The following TRAM1 variants were observed in gnomAD, a reference collection of about 807,000 sequenced individuals.
TRAM1 encodes translocation associated membrane protein 1, also known as translocating chain-associated membrane protein 1.
In TRAM1, 17 loss-of-function variants were observed where a neutral mutation model predicts 48.7. The observed-to-expected ratio is 0.35, with a 90% confidence interval of 0.24 to 0.52. TRAM1 has a LOEUF of 0.52. Among genes scored for constraint, TRAM1 ranks in the 20% least tolerant of loss-of-function variants. The probability of loss-of-function intolerance (pLI) is 0.94; values close to 1 mark genes in which losing one functional copy is unlikely to be tolerated. For synonymous variants in TRAM1, 182 were observed against 154.0 expected (o/e 1.18, Z -1.34); for missense variants, 351 against 441.5 (o/e 0.79, Z 1.84).
At chr8:70,586,859 C>A (rs999318316) in intron 8 of TRAM1, 36 bp downstream of exon 8, 1 of 1,552,894 alleles carries the variant, frequency 6.4e-7, no homozygotes, top group Non-Finnish European at 8.9e-7. Context: ...CTTTAAATAC[C>A]TAGTACACGA....
At chr8:70,590,333 C>A (rs143837987) in intron 6 of TRAM1, among the ~76,000 whole-genome samples, 6 of 152,180 alleles carry the variant, frequency 3.9e-5, no homozygotes, top group African/African-American at 1.4e-4. Flanking sequence ...AAATTACAAA[C>A]AAACTATAAT....
chr8:70,602,011 CAG>C (rs1817616123), intron 1 of TRAM1, among the ~76,000 whole-genome samples: 2 of 151,810 alleles, frequency 1.3e-5, no homozygotes, highest in African/African-American at 4.8e-5. Flanking sequence ...ATGGAGAGAA[CAG>C]GGAAAAAAGC....
chr8:70,604,954 A>G (rs572024196), intron 1 of TRAM1, among the ~76,000 whole-genome samples: 3 of 152,292 alleles, frequency 2.0e-5, no homozygotes, highest in African/African-American at 4.8e-5. Context: ...GTATACTATG[A>G]TTTGAATTAT....
At chr8:70,590,293 C>T (rs1045278742) in intron 6 of TRAM1, among the ~76,000 whole-genome samples, 2 of 151,712 alleles carry the variant, frequency 1.3e-5, no homozygotes, top group African/African-American at 4.8e-5. Context: ...CTACTCTTTT[C>T]TTCTCTGACA....
At chr8:70,589,142 A>AT (rs1172818729) in intron 6 of TRAM1, among the ~76,000 whole-genome samples, 1 of 152,236 alleles carries the variant, frequency 6.6e-6, no homozygotes, top group African/African-American at 2.4e-5. Context: ...TAGGTAGAAC[A>AT]TAAGACAGTC....
chr8:70,608,278 T>A lies in TRAM1; in HGVS notation c.-79A>T, dbSNP rs976962953. 41 of 1,464,446 alleles carry A rather than the reference T, an allele frequency of 2.8e-5. No homozygotes were observed. The highest frequency in any genetic ancestry group is 1.0e-4 in the African/African-American group (7 of 67,914). 90.7% of individuals were successfully genotyped at this position (1,464,446 alleles called of 1,614,324 possible). A position where few individuals can be genotyped will look rare whatever the true frequency, so the allele number is the denominator to read the frequency against. On this transcript the variant is annotated 5_prime_UTR_variant, in exon 1 of 11. Transcript: ENST00000262213. ...AGCTGCTCACCGACTCGCCGCCGCC[T>A]CCCGCTGGCTGCTCCTCACGGCCCC...
chr8:70,598,309 C>T (rs1817534752), intron 2 of TRAM1, 54 bp from the exon 3 acceptor site: 1 of 1,532,176 alleles, frequency 6.5e-7, no homozygotes, highest in South Asian at 1.3e-5. Context: ...GTTATAAAAA[C>T]AGCATTAAGT....
intron 6 of TRAM1, among the ~76,000 whole-genome samples, chr8:70,589,426 G>C (rs1349890347): frequency 6.6e-6 from 1 of 152,190 alleles, no homozygotes; most frequent in Non-Finnish European, 1.5e-5. Context: ...GCAATTTGAT[G>C]TACAATGCAT....
chr8:70,591,009 A>AT (rs1198924400), intron 6 of TRAM1, among the ~76,000 whole-genome samples: 4 of 148,674 alleles, frequency 2.7e-5, no homozygotes, highest in South Asian at 2.1e-4. Context: ...AATAATAATA[A>AT]AAAAAAAAAA....
chr8:70,606,558 A>G (rs1270563185), intron 1 of TRAM1, among the ~76,000 whole-genome samples: 1 of 152,192 alleles, frequency 6.6e-6, no homozygotes, highest in Non-Finnish European at 1.5e-5. Flanking sequence ...GGCTGTGAGG[A>G]GAACAGTACA....
chr8:70,597,670 A>AAG, intron 4 of TRAM1, among the ~76,000 whole-genome samples: 1 of 146,510 alleles, frequency 6.8e-6, no homozygotes, highest in Non-Finnish European at 1.5e-5. Context: ...CTCTGTCTCA[A>AAG]AAAAAAAAAA....
chr8:70,591,909 T>A (rs1373118332), intron 6 of TRAM1, among the ~76,000 whole-genome samples: 2 of 151,876 alleles, frequency 1.3e-5, no homozygotes, highest in African/African-American at 4.8e-5. Flanking sequence ...GTGGAAAAAA[T>A]GTCATCAGAT....
intron 1 of TRAM1, chr8:70,607,560 C>G (rs1351003418): frequency 1.1e-6 from 1 of 909,238 alleles, no homozygotes; most frequent in Non-Finnish European, 1.3e-6. Flanking sequence ...TCCCCTGTCA[C>G]TCGGGGCCTG....
At chr8:70,584,222 A>G (rs954786913) in intron 8 of TRAM1, among the ~76,000 whole-genome samples, 1 of 152,222 alleles carries the variant, frequency 6.6e-6, no homozygotes, top group African/African-American at 2.4e-5. Flanking sequence ...TGTTTAGCTT[A>G]TCTCTTTTCT....
chr8:70,589,740 A>C (rs1459892193), intron 6 of TRAM1, among the ~76,000 whole-genome samples: 1 of 152,132 alleles, frequency 6.6e-6, no homozygotes, highest in Non-Finnish European at 1.5e-5. Flanking sequence ...TGGGAGGCTG[A>C]AGTAGTAGGA....
At chr8:70,578,053 G>C (rs1361285502) in intron 10 of TRAM1, among the ~76,000 whole-genome samples, 1 of 152,200 alleles carries the variant, frequency 6.6e-6, no homozygotes, top group Non-Finnish European at 1.5e-5. Context: ...CTTGACAGGT[G>C]TAGGATCTGG....
intron 5 of TRAM1, among the ~76,000 whole-genome samples, chr8:70,595,321 G>C (rs1045978791): frequency 6.8e-6 from 1 of 146,660 alleles, no homozygotes; most frequent in Non-Finnish European, 1.5e-5. Flanking sequence ...TCGGGGTGGA[G>C]AGAATACAGT....
chr8:70,596,363 A>C, intron 4 of TRAM1, 42 bp from the exon 5 acceptor site: 1 of 1,458,838 alleles, frequency 6.9e-7, no homozygotes, highest in Non-Finnish European at 9.3e-7. Context: ...AGCATAATGC[A>C]AACTTCTTGG....
intron 6 of TRAM1, among the ~76,000 whole-genome samples, chr8:70,593,805 A>C (rs533118153): frequency 6.6e-6 from 1 of 152,190 alleles, no homozygotes; most frequent in Admixed American, 6.5e-5. Flanking sequence ...GGCACAGTTG[A>C]GCAGCATTAC....
Sources: allele counts gnomAD v4.1 joint callset (sites outside exome capture counted in the v4.1 genomes callset), GRCh38; gene constraint gnomAD v4.1.1; transcripts MANE v1.5; gene names NCBI Gene and HGNC (gene_info 2026-07-23, HGNC 2026-07-21).